Variants in SLC20A2 observed in about 807,000 individuals in gnomAD.
SLC20A2 encodes the protein sodium-dependent phosphate transporter 2.
Under a neutral mutation model 61.0 loss-of-function variants are expected in SLC20A2, and 30 were observed. The ratio of observed to expected loss-of-function variants is 0.49; its 90% CI spans 0.37 to 0.67. SLC20A2 has a LOEUF of 0.67. Ranked by LOEUF, SLC20A2 falls within the 30% of genes least tolerant of loss-of-function variation. The probability of loss-of-function intolerance (pLI) is 0.00; values close to 1 mark genes in which losing one functional copy is unlikely to be tolerated. For synonymous variants in SLC20A2, 351 were observed against 353.3 expected (o/e 0.99, Z 0.07); for missense variants, 626 against 866.4 (o/e 0.72, Z 3.48).
chr8:42,516,091 T>G (rs1811307312), intron 1 of SLC20A2, among the ~76,000 whole-genome samples: 2 of 152,342 alleles, frequency 1.3e-5, no homozygotes, highest in African/African-American at 4.8e-5. Flanking sequence ...TTTTGTAATT[T>G]GGAAAACTGT....
chr8:42,506,956 T>C (rs1036613464), intron 1 of SLC20A2, among the ~76,000 whole-genome samples: 3 of 152,174 alleles, frequency 2.0e-5, no homozygotes, highest in Non-Finnish European at 2.9e-5. Context: ...CTGGCTTGCC[T>C]ACTACAAATG....
intron 1 of SLC20A2, among the ~76,000 whole-genome samples, chr8:42,477,668 T>A (rs981866022): frequency 6.6e-6 from 1 of 151,340 alleles, no homozygotes; most frequent in Non-Finnish European, 1.5e-5. Flanking sequence ...ACAGGGCTTA[T>A]CACCATGTTG....
chr8:42,488,371 G>A (rs1365078352), intron 1 of SLC20A2, among the ~76,000 whole-genome samples: 1 of 151,540 alleles, frequency 6.6e-6, no homozygotes, highest in East Asian at 1.9e-4. Flanking sequence ...TGTATTTTTA[G>A]TAGAGACGGG....
intron 1 of SLC20A2, among the ~76,000 whole-genome samples, chr8:42,526,470 G>A (rs1054431916): frequency 2.6e-5 from 4 of 151,956 alleles, no homozygotes; most frequent in Middle Eastern, 6.8e-3. Flanking sequence ...TCAGGAGATC[G>A]AGACCCTCCT....
chr8:42,503,591 T>G (rs1450172030), upstream of SLC20A2, among the ~76,000 whole-genome samples: 1 of 152,248 alleles, frequency 6.6e-6, no homozygotes, highest in Non-Finnish European at 1.5e-5. Flanking sequence ...TATGATCATT[T>G]TAATGTGTAA....
At chr8:42,535,000 C>T (rs1046699326) in intron 1 of SLC20A2, 1 of 152,084 alleles carries the variant, frequency 6.6e-6, no homozygotes, top group African/African-American at 2.4e-5. Context: ...TAAGAAACAA[C>T]TAAAAAAAAT....
chr8:42,462,901 T>G (rs2131174581), intron 4 of SLC20A2, 104 bp downstream of exon 4: 1 of 614,750 alleles, frequency 1.6e-6, no homozygotes, highest in Middle Eastern at 2.8e-4. Context: ...GCCTTGACAA[T>G]GTATGAATAC....
Position 42,416,556 on chromosome 8 carries a change from AAT to A in SLC20A2, c.*1245_*1246del, listed in dbSNP as rs575776186. On this transcript the variant is annotated 3_prime_UTR_variant, in exon 11 of 11. Transcript: ENST00000520262. ...ATGAAGTACCAAGAAAATGTTTGTC[AAT>A]ATAAAAATTTTAGCAGCATTTCCAT... The A allele has an allele frequency of 4.5e-4, 69 of 152,644 alleles. No homozygotes were observed. Among genetic ancestry groups the A allele is most frequent in the Non-Finnish European group, 8.2e-4 (56 of 68,032 alleles). The allele number at this position is 152,644 out of a possible 1,614,324, so 9.5% of individuals were successfully genotyped here. A position where few individuals can be genotyped will look rare whatever the true frequency, so the allele number is the denominator to read the frequency against.
chr8:42,449,417 T>C (rs1053554558), intron 5 of SLC20A2, among the ~76,000 whole-genome samples: 2 of 152,204 alleles, frequency 1.3e-5, no homozygotes, highest in Non-Finnish European at 2.9e-5. Context: ...TCCCAAAAGA[T>C]TAGACGAATA....
chr8:42,425,800 T>C (rs1343010309), intron 10 of SLC20A2, among the ~76,000 whole-genome samples: 1 of 152,076 alleles, frequency 6.6e-6, no homozygotes, highest in Non-Finnish European at 1.5e-5. Context: ...CCCAGCACTT[T>C]GGGAGGCTGA....
intron 8 of SLC20A2, among the ~76,000 whole-genome samples, chr8:42,431,446 G>A (rs987253788): frequency 6.6e-6 from 1 of 152,206 alleles, no homozygotes; most frequent in Non-Finnish European, 1.5e-5. Context: ...GGTTGGTTCT[G>A]GAGGTTTAAG....
At chr8:42,513,041 C>T (rs1265526461) in intron 1 of SLC20A2, among the ~76,000 whole-genome samples, 1 of 152,188 alleles carries the variant, frequency 6.6e-6, no homozygotes, top group Non-Finnish European at 1.5e-5. Context: ...CTCAAAACCA[C>T]TTTTATGCTT....
chr8:42,429,249 C>T lies in SLC20A2; in HGVS notation c.1710-407G>A, dbSNP rs1425990615. Among the ~76,000 whole-genome samples, 9 of 152,270 alleles carry T rather than the reference C, an allele frequency of 5.9e-5. No homozygotes were observed. In the South Asian group the frequency reaches 1.9e-3, roughly 32 times the overall value. On this transcript the variant is annotated intron_variant, in intron 9 of 10. Coordinates refer to ENST00000520262, the MANE Select transcript of SLC20A2 (RefSeq NM_001257180.2). ...TTTTTCTTCAAATCAATCTTCTAAA[C>T]TATCTTTTATTGAAATGAATTTCAA...
intron 1 of SLC20A2, among the ~76,000 whole-genome samples, chr8:42,518,139 G>A (rs1012947166): frequency 2.6e-4 from 39 of 151,648 alleles, no homozygotes; most frequent in African/African-American, 6.3e-4. Flanking sequence ...ATGGGGTTTC[G>A]CCTTGTTAGC....
At chr8:42,480,733 C>T (rs1808494331) in intron 1 of SLC20A2, among the ~76,000 whole-genome samples, 1 of 152,144 alleles carries the variant, frequency 6.6e-6, no homozygotes, top group South Asian at 2.1e-4. Context: ...GATCATGGCT[C>T]ACTGCAGCCT....
chr8:42,464,092 C>CTTTT (rs1170751054), intron 3 of SLC20A2, among the ~76,000 whole-genome samples: 648 of 20,528 alleles, frequency 0.032, 190 homozygotes, highest in East Asian at 0.093. Flanking sequence ...GCTGGATGAT[C>CTTTT]TTTTTTTTTT....
At chr8:42,512,727 C>G (rs1331616763) in intron 1 of SLC20A2, among the ~76,000 whole-genome samples, 1 of 152,164 alleles carries the variant, frequency 6.6e-6, no homozygotes, top group East Asian at 1.9e-4. Flanking sequence ...AACACTGTGA[C>G]TTTGAAAAAG....
At chr8:42,494,103 T>C (rs1373948990) in intron 1 of SLC20A2, among the ~76,000 whole-genome samples, 1 of 152,164 alleles carries the variant, frequency 6.6e-6, no homozygotes, top group Non-Finnish European at 1.5e-5. Context: ...TGATGGCACC[T>C]CTCACTCCAG....
rs372443583 is a variant in SLC20A2 at position 42,437,531 on chromosome 8, G to A, written c.981C>T (p.Ser327=). The A allele has an allele frequency of 1.7e-5, 28 of 1,613,914 alleles. No homozygotes were observed. The highest frequency in any genetic ancestry group is 1.9e-5 in the Non-Finnish European group (23 of 1,179,972). Residue 327 remains serine, a synonymous_variant, in exon 8 of 11, where the codon TCC becomes TCT. Transcript: ENST00000520262. This position sits in a 1 kb window ranked among gnomAD's most constrained non-coding sequence, Gnocchi z 6.4. ...GGCCGTCGAAGCCGAAGGTGCCGTT[G>A]GAGATGGGCGATTTCACAGAGCCAT... ...MTHGSVKSPI[S]NGTFGFDGHT...
Sources: gnomAD v4.1 joint callset for allele counts (sites outside exome capture counted in the v4.1 genomes callset) on GRCh38, gnomAD v4.1.1 for gene constraint, Gnocchi (gnomAD v3.1) non-coding constraint, MANE v1.5 for transcripts, NCBI Gene and HGNC (gene_info 2026-07-23, HGNC 2026-07-21) for gene names.